The following WDFY3 variants were observed in gnomAD, a reference collection of about 807,000 sequenced individuals.
The protein encoded by WDFY3 is WD repeat and FYVE domain containing 3.
Under a neutral mutation model 409.6 loss-of-function variants are expected in WDFY3, and 66 were observed. The observed-to-expected ratio is 0.16, with a 90% CI of 0.13 to 0.20. The LOEUF (loss-of-function observed/expected upper bound fraction) is 0.20. WDFY3 is among the 10% of genes least tolerant of loss of function. The pLI is 1.00. For synonymous variants in WDFY3, 1,521 were observed against 1,537.1 expected (o/e 0.99, Z 0.25); for missense variants, 3,031 against 4,298.1 (o/e 0.71, Z 8.24).
chr4:84,955,624 T>G (rs184669703), intron 1 of WDFY3, among the ~76,000 whole-genome samples: 138 of 152,098 alleles, frequency 9.1e-4, no homozygotes, highest in Non-Finnish European at 1.5e-3. Flanking sequence ...GAAAGAAAGA[T>G]AGGTGAAGAG....
At chr4:84,700,847 A>C (rs1052589177) in intron 56 of WDFY3, among the ~76,000 whole-genome samples, 8 of 152,228 alleles carry the variant, frequency 5.3e-5, no homozygotes, top group African/African-American at 1.7e-4. Context: ...TCACGCCTGT[A>C]ACCACTGAGA....
intron 62 of WDFY3, among the ~76,000 whole-genome samples, chr4:84,684,766 GT>G (rs945739806): frequency 1.3e-5 from 2 of 152,140 alleles, no homozygotes; most frequent in Non-Finnish European, 2.9e-5. Flanking sequence ...GATAACTTAT[GT>G]TTTTATGAGA....
chr4:84,959,242 C>A (rs985834433), intron 1 of WDFY3, among the ~76,000 whole-genome samples: 1 of 151,896 alleles, frequency 6.6e-6, no homozygotes, highest in African/African-American at 2.4e-5. Flanking sequence ...AGACTGCAAC[C>A]CCATGTTTTA....
At position 84,740,109 on chromosome 4, in the gene WDFY3, A is replaced by G. The variant is rs1738142796; in HGVS notation, c.6464+78T>C. On this transcript the variant is annotated intron_variant, in intron 39 of 67. Coordinates refer to ENST00000295888, the MANE Select transcript of WDFY3 (RefSeq NM_014991.6). The stretch of plus-strand genomic sequence containing the variant: ...GAGTAAGGGTAAAAGAAATGTTACT[A>G]TCAAAAAAAATAAAGAATTTTGTTG... 8 of 1,394,742 alleles carry G rather than the reference A, an allele frequency of 5.7e-6. No homozygotes were observed. The Admixed American group carries it at 7.5e-5, about 13-fold the overall frequency. The allele number at this position is 1,394,742 out of a possible 1,614,324, so 86.4% of individuals were successfully genotyped here.
intron 13 of WDFY3, among the ~76,000 whole-genome samples, chr4:84,816,685 T>C (rs1200864233): frequency 6.6e-6 from 1 of 152,178 alleles, no homozygotes; most frequent in Non-Finnish European, 1.5e-5. Flanking sequence ...CATTCGATTA[T>C]AGTTTGATTC....
intron 3 of WDFY3, among the ~76,000 whole-genome samples, chr4:84,888,787 G>T (rs989175191): frequency 2.0e-5 from 3 of 151,386 alleles, no homozygotes; most frequent in Admixed American, 2.0e-4. Context: ...TAACCAAGGT[G>T]AGAATATTTG....
At position 84,678,874 on chromosome 4, in the gene WDFY3, C is replaced by T. The variant is rs766329107; in HGVS notation, c.10147+45G>A. Reference sequence around the variant, plus strand: ...CACTGCCTCAATCCACCAACCCTCACACCACATATAAGGAGTGAGAAATAG... The same window carrying T: ...CACTGCCTCAATCCACCAACCCTCATACCACATATAAGGAGTGAGAAATAG... On this transcript the variant is annotated intron_variant, in intron 65 of 67. Transcript: ENST00000295888. 2.6e-6 allele frequency: 4 copies of T among 1,557,456 alleles called. No individual in the cohort carries two copies. The South Asian group carries it at 3.7e-5, about 14-fold the overall frequency.
At chr4:84,896,817 T>C (rs1223477509) in intron 3 of WDFY3, 94 bp downstream of exon 3, 1 of 152,180 alleles carries the variant, frequency 6.6e-6, no homozygotes, top group Non-Finnish European at 1.5e-5. Flanking sequence ...AAAAGTCCTG[T>C]CTACACATAA....
chr4:84,763,654 C>T (rs1743106305), intron 32 of WDFY3, among the ~76,000 whole-genome samples: 2 of 147,920 alleles, frequency 1.4e-5, no homozygotes, highest in African/African-American at 5.0e-5. Context: ...GAAATAGAAT[C>T]AAATGAGCTG....
At chr4:84,729,007 T>A (rs1311049489) in intron 44 of WDFY3, among the ~76,000 whole-genome samples, 1 of 152,092 alleles carries the variant, frequency 6.6e-6, no homozygotes, top group Non-Finnish European at 1.5e-5. Flanking sequence ...GTGACATTTA[T>A]ACATTATATA....
rs754902240 is a variant in WDFY3, at chr4:84,693,050, G to A, written c.8902-18C>T. 6 of 1,606,296 alleles carry A rather than the reference G, an allele frequency of 3.7e-6. No individual in the cohort carries two copies. In the South Asian group the frequency reaches 5.6e-5, roughly 15 times the overall value. On this transcript the variant is annotated intron_variant, in intron 58 of 67. Transcript: ENST00000295888. ...TTAAATAACTGGTATGAAAGAAGAT[G>A]ACTCACTTTATAATGAAAGATAACA...
chr4:84,837,233 T>A, intron 6 of WDFY3, 143 bp from the exon 7 acceptor site: 1 of 653,976 alleles, frequency 1.5e-6, no homozygotes, highest in Non-Finnish European at 2.3e-6. Context: ...TGACTCCAAG[T>A]GAAGAAATAT....
intron 7 of WDFY3, among the ~76,000 whole-genome samples, chr4:84,834,649 C>CA (rs934294958): frequency 6.6e-6 from 1 of 151,752 alleles, no homozygotes; most frequent in Non-Finnish European, 1.5e-5. Flanking sequence ...AAATTCTCTC[C>CA]AAAAAAAATT....
intron 5 of WDFY3, chr4:84,849,542 G>C (rs1387378870): frequency 1.9e-5 from 1 of 53,884 alleles, no homozygotes; most frequent in South Asian, 5.0e-4. Flanking sequence ...ATACAGAAAA[G>C]AAAACAAGCA....
intron 61 of WDFY3, among the ~76,000 whole-genome samples, chr4:84,689,264 ATG>A (rs1394817293): frequency 6.6e-6 from 1 of 152,156 alleles, no homozygotes; most frequent in Non-Finnish European, 1.5e-5. Context: ...AAGTATATAT[ATG>A]TGTGTGTGTG....
intron 57 of WDFY3, among the ~76,000 whole-genome samples, chr4:84,696,429 GGTT>G (rs1431271705): frequency 6.6e-6 from 1 of 151,970 alleles, no homozygotes; most frequent in Non-Finnish European, 1.5e-5. Context: ...GCTCTTAGTA[GGTT>G]GTTATGATTG....
chr4:84,948,215 C>G (rs1438387872), intron 1 of WDFY3, among the ~76,000 whole-genome samples: 1 of 152,188 alleles, frequency 6.6e-6, no homozygotes, highest in East Asian at 1.9e-4. Context: ...CAAAGTGTGA[C>G]ATGAGAACCC....
intron 1 of WDFY3, among the ~76,000 whole-genome samples, chr4:84,939,920 A>G (rs1771900686): frequency 6.6e-6 from 1 of 152,100 alleles, no homozygotes; most frequent in Non-Finnish European, 1.5e-5. Flanking sequence ...TACTGGACAG[A>G]GCTAGGAAAT....
intron 24 of WDFY3, among the ~76,000 whole-genome samples, chr4:84,784,434 T>C (rs1017873104): frequency 6.6e-6 from 1 of 152,138 alleles, no homozygotes; most frequent in South Asian, 2.1e-4. Flanking sequence ...AATCAGAAAA[T>C]GTGACTCCAT....
Sources: allele counts gnomAD v4.1 joint callset (sites outside exome capture counted in the v4.1 genomes callset), GRCh38; gene constraint gnomAD v4.1.1; transcripts MANE v1.5; gene names NCBI Gene and HGNC (gene_info 2026-07-23, HGNC 2026-07-21).